TYW1B: variants seen among roughly 807,000 people sequenced by gnomAD.
TYW1B encodes the protein S-adenosyl-L-methionine-dependent tRNA 4-demethylwyosine synthase TYW1B.
Under a neutral mutation model 86.9 loss-of-function variants are expected in TYW1B, and 73 were observed. The ratio of observed to expected loss-of-function variants is 0.84; its 90% CI spans 0.70 to 1.02. The LOEUF (loss-of-function observed/expected upper bound fraction) is 1.02, where lower values mean the gene tolerates loss of function less well. Among genes scored for constraint, TYW1B ranks in the 50% least tolerant of loss-of-function variants. The probability of loss-of-function intolerance (pLI) is 0.00; values close to 1 mark genes in which losing one functional copy is unlikely to be tolerated. For synonymous variants in TYW1B, 248 were observed against 292.8 expected (o/e 0.85, Z 1.56); for missense variants, 637 against 827.4 (o/e 0.77, Z 2.82).
chr7:72,626,739 C>T (rs1342653739), intron 12 of TYW1B, among the ~76,000 whole-genome samples: 8 of 152,076 alleles, frequency 5.3e-5, no homozygotes, highest in African/African-American at 1.7e-4. Context: ...GCACCCACTG[C>T]TCTCCAGCCC....
At chr7:72,718,442 C>T (rs1343520823) in intron 9 of TYW1B, among the ~76,000 whole-genome samples, 1 of 152,110 alleles carries the variant, frequency 6.6e-6, no homozygotes, top group Non-Finnish European at 1.5e-5. Context: ...AAATAACATG[C>T]ACATGTACCC....
At chr7:72,645,840 T>G (rs1281716136) in intron 11 of TYW1B, among the ~76,000 whole-genome samples, 1 of 151,526 alleles carries the variant, frequency 6.6e-6, no homozygotes, top group Non-Finnish European at 1.5e-5. Context: ...ATTTGCTGGC[T>G]GTGCTCATTT....
At chr7:72,800,342 C>A (rs1223872655) in intron 6 of TYW1B, among the ~76,000 whole-genome samples, 2 of 152,010 alleles carry the variant, frequency 1.3e-5, no homozygotes, top group Admixed American at 6.6e-5. Context: ...TGACTACGGG[C>A]ACATGCCACT....
chr7:72,584,878 G>A (rs1195086021), intron 13 of TYW1B, among the ~76,000 whole-genome samples: 1 of 152,144 alleles, frequency 6.6e-6, no homozygotes, highest in African/African-American at 2.4e-5. Flanking sequence ...GAGGCCTTAG[G>A]CAAACGAGGG....
intron 10 of TYW1B, among the ~76,000 whole-genome samples, chr7:72,710,907 T>C (rs1337380526): frequency 6.6e-6 from 1 of 152,220 alleles, no homozygotes; most frequent in Non-Finnish European, 1.5e-5. Context: ...TTGCAAATAC[T>C]TTCACCTTTT....
rs11973489 is a variant in TYW1B, at chr7:72,590,545, T to A, written c.1786-14826A>T. On this transcript the variant is annotated intron_variant, in intron 13 of 13. Coordinates refer to ENST00000620995, the MANE Select transcript of TYW1B (RefSeq NM_001145440.3). ...AGACTAAGACATTAAAAAATAAACA[T>A]ATTTATAGGGAAATTATAGTTACCA... Among the ~76,000 whole-genome samples the A allele has an allele frequency of 4.4e-3, 674 of 152,144 alleles. 3 individuals are homozygous for A. The highest frequency in any genetic ancestry group is 0.015 in the African/African-American group (618 of 41,456).
At chr7:72,628,585 A>T (rs1359527007) in intron 12 of TYW1B, among the ~76,000 whole-genome samples, 6 of 152,036 alleles carry the variant, frequency 3.9e-5, no homozygotes, top group Non-Finnish European at 7.4e-5. Flanking sequence ...CCACCACACT[A>T]TTTTATTTCT....
At chr7:72,638,348 G>C (rs1812721550) in intron 11 of TYW1B, among the ~76,000 whole-genome samples, 1 of 152,162 alleles carries the variant, frequency 6.6e-6, no homozygotes, top group Non-Finnish European at 1.5e-5. Context: ...CCCACCTGTA[G>C]GTAAGGCTGA....
intron 9 of TYW1B, chr7:72,722,767 C>G (rs2129570900): frequency 3.0e-6 from 1 of 332,446 alleles, no homozygotes; most frequent in East Asian, 6.0e-5. Context: ...TTCCACCTTT[C>G]ACACAACTGA....
chr7:72,583,432 G>A (rs1174459292), intron 13 of TYW1B, among the ~76,000 whole-genome samples: 1 of 152,194 alleles, frequency 6.6e-6, no homozygotes, highest in East Asian at 1.9e-4. Flanking sequence ...TAGAGATACG[G>A]AGATAAATAC....
intron 5 of TYW1B, among the ~76,000 whole-genome samples, 186 bp downstream of exon 5, chr7:72,806,880 T>C (rs1458139133): frequency 3.9e-5 from 6 of 152,250 alleles, no homozygotes; most frequent in South Asian, 2.1e-4. Context: ...CTTGAACTCC[T>C]GGACTCAAGC....
chr7:72,812,467 T>A (rs1788638850), intron 3 of TYW1B, among the ~76,000 whole-genome samples: 1 of 152,182 alleles, frequency 6.6e-6, no homozygotes, highest in Non-Finnish European at 1.5e-5. Flanking sequence ...GAATTCATCT[T>A]AAGAGTTCCA....
At chr7:72,623,173 C>T (rs1460086846) in intron 12 of TYW1B, among the ~76,000 whole-genome samples, 1 of 152,160 alleles carries the variant, frequency 6.6e-6, no homozygotes, top group Non-Finnish European at 1.5e-5. Flanking sequence ...CAGTACAGTA[C>T]TCTGAATGCA....
At chr7:72,792,063 C>G (rs1403687651) in intron 6 of TYW1B, among the ~76,000 whole-genome samples, 6 of 152,140 alleles carry the variant, frequency 3.9e-5, no homozygotes, top group African/African-American at 1.4e-4. Context: ...GGCGCAGTGG[C>G]TCACGCTTGT....
chr7:72,668,434 G>T (rs184741822), intron 11 of TYW1B, among the ~76,000 whole-genome samples: 240 of 152,328 alleles, frequency 1.6e-3, no homozygotes, highest in African/African-American at 5.6e-3. Flanking sequence ...GGCACTATCA[G>T]CTTGTGGACA....
At chr7:72,651,140 C>G (rs1813044675) in intron 11 of TYW1B, among the ~76,000 whole-genome samples, 1 of 152,134 alleles carries the variant, frequency 6.6e-6, no homozygotes, top group South Asian at 2.1e-4. Context: ...GAGAGAAAAA[C>G]TAACCGATAT....
At chr7:72,679,525 A>C (rs1813818450) in intron 11 of TYW1B, among the ~76,000 whole-genome samples, 9 of 152,158 alleles carry the variant, frequency 5.9e-5, no homozygotes, top group Admixed American at 2.0e-4. Context: ...GGTTGCAGGG[A>C]GGAAGAAATG....
intron 13 of TYW1B, among the ~76,000 whole-genome samples, chr7:72,589,024 G>A (rs34320956): frequency 2.0e-5 from 3 of 152,128 alleles, no homozygotes; most frequent in Admixed American, 2.0e-4. Context: ...TGTTGGCCAG[G>A]CTGGTCTTGA....
chr7:72,635,151 A>T (rs1812636942), intron 11 of TYW1B, among the ~76,000 whole-genome samples: 1 of 152,036 alleles, frequency 6.6e-6, no homozygotes, highest in Non-Finnish European at 1.5e-5. Flanking sequence ...ACCAAAACTG[A>T]CTTTTGCGTG....
Sources: gnomAD v4.1 joint callset for allele counts (sites outside exome capture counted in the v4.1 genomes callset) on GRCh38, gnomAD v4.1.1 for gene constraint, MANE v1.5 for transcripts, NCBI Gene and HGNC (gene_info 2026-07-23, HGNC 2026-07-21) for gene names.